The following SHOC2 variants were observed in gnomAD, a reference collection of about 807,000 sequenced individuals.
SHOC2 encodes the protein SHOC2 leucine rich repeat scaffold protein, also known as leucine-rich repeat protein SHOC-2.
A neutral mutation model predicts 50.2 loss-of-function variants in SHOC2; 4 were observed. That is an observed-to-expected ratio of 0.08 (90% confidence interval 0.04 to 0.18). The LOEUF is 0.18. SHOC2 is among the 10% of genes least tolerant of loss of function. The pLI is 1.00. For synonymous variants in SHOC2, 218 were observed against 244.5 expected (o/e 0.89, Z 1.01); for missense variants, 388 against 669.6 (o/e 0.58, Z 4.64).
chr10:110,967,637 C>G (rs1036228979), intron 2 of SHOC2, among the ~76,000 whole-genome samples: 10 of 152,152 alleles, frequency 6.6e-5, no homozygotes, highest in African/African-American at 2.2e-4. Flanking sequence ...TCTCCTAACT[C>G]ATTAACCCTA....
At chr10:110,995,538 A>C (rs11816269) in intron 3 of SHOC2, among the ~76,000 whole-genome samples, 8,857 of 152,268 alleles carry the variant, frequency 0.058, 334 homozygotes, top group African/African-American at 0.11. Flanking sequence ...GTCAATGAAG[A>C]TCTTGAAGGC....
chr10:110,986,813 T>C (rs2134150736), intron 3 of SHOC2, among the ~76,000 whole-genome samples: 1 of 152,298 alleles, frequency 6.6e-6, no homozygotes, highest in East Asian at 1.9e-4. Context: ...TACTAAATCA[T>C]TTGAGGCCTG....
chr10:110,996,123 G>A (rs192145268), intron 3 of SHOC2, among the ~76,000 whole-genome samples: 1 of 152,194 alleles, frequency 6.6e-6, no homozygotes, highest in African/African-American at 2.4e-5. Context: ...CAATTATACA[G>A]CAGTTAAACA....
chr10:111,000,116 A>C (rs930799973), intron 3 of SHOC2, among the ~76,000 whole-genome samples: 1 of 152,240 alleles, frequency 6.6e-6, no homozygotes, highest in African/African-American at 2.4e-5. Flanking sequence ...ATGCAGTTAA[A>C]TTAGGCCTTA....
intron 2 of SHOC2, among the ~76,000 whole-genome samples, chr10:110,983,621 A>G (rs1206695055): frequency 6.6e-6 from 1 of 152,190 alleles, no homozygotes; most frequent in Non-Finnish European, 1.5e-5. Context: ...CATCTCCAGA[A>G]CATTTTCGTC....
At chr10:111,010,497 A>G (rs1319040080) in intron 8 of SHOC2, among the ~76,000 whole-genome samples, 1 of 152,132 alleles carries the variant, frequency 6.6e-6, no homozygotes, top group African/African-American at 2.4e-5. Flanking sequence ...ACACTTGGAT[A>G]CAGGGTGGGG....
chr10:110,964,245 C>T lies in SHOC2; in HGVS notation c.-114C>T. On this transcript the variant is annotated 5_prime_UTR_variant, in exon 2 of 9. Transcript: ENST00000369452. This position sits in a 1 kb window ranked among gnomAD's most constrained non-coding sequence, Gnocchi z 4.9. ...GATGGATGTTACTCCATGCTGATTA[C>T]TTCTTCAAGCCAGTACTTTTTTGAT... 6.7e-7 allele frequency: 1 copy of T among 1,497,924 alleles called. No homozygotes were observed. The highest frequency in any genetic ancestry group is 8.9e-7 in the Non-Finnish European group (1 of 1,121,016). The allele number at this position is 1,497,924 out of a possible 1,614,324, so 92.8% of individuals were successfully genotyped here. A position where few individuals can be genotyped will look rare whatever the true frequency, so the allele number is the denominator to read the frequency against.
At chr10:111,007,351 G>A (rs1174450297) in intron 5 of SHOC2, among the ~76,000 whole-genome samples, 180 bp from the exon 6 acceptor site, 1 of 152,028 alleles carries the variant, frequency 6.6e-6, no homozygotes, top group Non-Finnish European at 1.5e-5. Flanking sequence ...CCTCATTACT[G>A]TATAAAAAAC....
chr10:110,926,268 G>C (rs1266366364), intron 1 of SHOC2, among the ~76,000 whole-genome samples: 3 of 152,166 alleles, frequency 2.0e-5, no homozygotes, highest in African/African-American at 7.2e-5. Context: ...CTTATTTACT[G>C]TTCCACCAGT....
chr10:110,987,880 A>G (rs1210221757), intron 3 of SHOC2, among the ~76,000 whole-genome samples: 1 of 152,190 alleles, frequency 6.6e-6, no homozygotes, highest in Admixed American at 6.5e-5. Context: ...GAACACAGCC[A>G]GAGACCAAAG....
intron 6 of SHOC2, 66 bp downstream of exon 6, chr10:111,007,719 A>G: frequency 6.6e-7 from 1 of 1,524,106 alleles, no homozygotes. Flanking sequence ...AAAAATTTCA[A>G]ATTTAAATAA....
intron 2 of SHOC2, among the ~76,000 whole-genome samples, chr10:110,976,503 G>A (rs901809770): frequency 6.6e-6 from 1 of 151,908 alleles, no homozygotes; most frequent in Non-Finnish European, 1.5e-5. Context: ...TAGAGGCAGG[G>A]TCTTACCATA....
chr10:110,919,370 G>A (rs1846549733), upstream of SHOC2: 2 of 386,310 alleles, frequency 5.2e-6, no homozygotes, highest in South Asian at 2.9e-4. Context: ...AGGAACTGAG[G>A]AAAGGACAAG....
intron 1 of SHOC2, among the ~76,000 whole-genome samples, chr10:110,949,934 T>G (rs1395042595): frequency 6.6e-6 from 1 of 152,162 alleles, no homozygotes; most frequent in East Asian, 1.9e-4. Context: ...CTCAACACCA[T>G]AAAGATTATA....
At chr10:110,931,845 T>G (rs181689601) in intron 1 of SHOC2, among the ~76,000 whole-genome samples, 1 of 152,302 alleles carries the variant, frequency 6.6e-6, no homozygotes, top group East Asian at 1.9e-4. Flanking sequence ...ATGTGCTAAG[T>G]ATTGTCCTAA....
chr10:110,985,887 A>C (rs1345313806), intron 3 of SHOC2, 122 bp downstream of exon 3: 13 of 830,056 alleles, frequency 1.6e-5, no homozygotes, highest in African/African-American at 5.2e-5. Context: ...CAAAGTTGTA[A>C]AACTTTTAAG....
Position 111,004,604 on chromosome 10 carries a change from A to G in SHOC2, c.973-2A>G. ...CTTATGTTTATTTCATTTTTTTTAC[A>G]GAGTCTTTTATCAAGTCTTGTGAAA... On this transcript the variant is annotated splice_acceptor_variant, in intron 4 of 8. Coordinates refer to ENST00000369452, the MANE Select transcript of SHOC2 (RefSeq NM_007373.4). LOFTEE classifies it high-confidence loss of function. The G allele has an allele frequency of 6.2e-7, 1 of 1,603,426 alleles. No homozygotes were observed. The highest frequency in any genetic ancestry group is 8.5e-7 in the Non-Finnish European group (1 of 1,170,282).
rs1847641182 is a variant in SHOC2 at position 110,964,769 on chromosome 10, C to T, written c.411C>T (p.Ser137=). ...ATTTATACAGTAACAAATTGCAGTCCCTCCCAGCAGAGGTGGGATGTTTAG... is the reference window on the plus strand; with the variant it reads ...ATTTATACAGTAACAAATTGCAGTCTCTCCCAGCAGAGGTGGGATGTTTAG... ...ELYLYSNKLQ[S]LPAEVGCLVN... Residue 137 remains serine, a synonymous_variant, in exon 2 of 9, where the codon TCC becomes TCT. Coordinates refer to ENST00000369452, the MANE Select transcript of SHOC2 (RefSeq NM_007373.4). The surrounding 1 kb of genome is among the most constrained non-coding windows in gnomAD (Gnocchi z 4.9). The T allele has an allele frequency of 3.7e-6, 6 of 1,613,986 alleles. No homozygotes were observed. The highest frequency in any genetic ancestry group is 5.1e-6 in the Non-Finnish European group (6 of 1,179,950).
chr10:110,954,773 G>A (rs987079252), intron 1 of SHOC2, among the ~76,000 whole-genome samples: 1 of 152,168 alleles, frequency 6.6e-6, no homozygotes, highest in Non-Finnish European at 1.5e-5. Context: ...AGCTTGAGGT[G>A]AGTCCTAAAT....
Sources: allele counts gnomAD v4.1 joint callset (sites outside exome capture counted in the v4.1 genomes callset), GRCh38; gene constraint gnomAD v4.1.1; non-coding constraint Gnocchi (gnomAD v3.1); transcripts MANE v1.5; gene names NCBI Gene and HGNC (gene_info 2026-07-23, HGNC 2026-07-21).